Variants in B4GALT4 observed in about 807,000 individuals in gnomAD.
B4GALT4 encodes beta-1,4-galactosyltransferase 4.
A neutral mutation model predicts 37.3 loss-of-function variants in B4GALT4; 27 were observed. The observed-to-expected ratio is 0.72, with a 90% CI of 0.53 to 1.00. The LOEUF is 1.00. Among genes scored for constraint, B4GALT4 ranks in the 50% least tolerant of loss-of-function variants. The probability of loss-of-function intolerance (pLI) is 0.00; values close to 1 mark genes in which losing one functional copy is unlikely to be tolerated. For synonymous variants in B4GALT4, 148 were observed against 154.1 expected (o/e 0.96, Z 0.29); for missense variants, 372 against 413.1 (o/e 0.90, Z 0.86).
intron 2 of B4GALT4, chr3:119,230,500 C>T (rs75233365): frequency 0.047 from 10,402 of 223,426 alleles, 286 homozygotes; most frequent in Middle Eastern, 0.075. Flanking sequence ...AAATGTTGGA[C>T]AGAACAAATA....
rs2078287854 is a variant in B4GALT4 at position 119,216,289 on chromosome 3, T to C, written c.853A>G (p.Thr285Ala). ...TTGTCTCTAGTGTGGAAGACCATTG[T>C]ATATTTACCCACTTCAGGCAGGGGC... is the stretch of plus-strand genomic sequence containing the variant. ...SRPLPEVGKY[T>A]MVFHTRDKGN... The change falls in exon 7 of 8, where the codon ACA becomes GCA. Residue 285 changes from threonine (T) to alanine (A), a missense_variant. Transcript: ENST00000393765. 5.0e-6 allele frequency: 8 copies of C among 1,613,828 alleles called. No homozygotes were observed. The highest frequency in any genetic ancestry group is 6.8e-6 in the Non-Finnish European group (8 of 1,179,934).
chr3:119,229,761 G>A, intron 3 of B4GALT4, 86 bp downstream of exon 3: 1 of 1,370,048 alleles, frequency 7.3e-7, no homozygotes, highest in Non-Finnish European at 1.0e-6. Flanking sequence ...TGGGGTACAT[G>A]AGATGTTTTG....
At position 119,212,467 on chromosome 3, in the gene B4GALT4, T is replaced by C. The variant is rs913487791; in HGVS notation, c.*82A>G. ...AATGAGCTGTAACAGGTTCTTAATG[T>C]GTGCTACTATTTGAAGTCTCTAGGC... On this transcript the variant is annotated 3_prime_UTR_variant, in exon 8 of 8. Coordinates refer to ENST00000393765, the MANE Select transcript of B4GALT4 (RefSeq NM_003778.4). The C allele has an allele frequency of 3.5e-5, 48 of 1,376,916 alleles. No individual in the cohort carries two copies. In the African/African-American group the frequency reaches 5.9e-4, roughly 17 times the overall value. The allele number at this position is 1,376,916 out of a possible 1,614,324, so 85.3% of individuals were successfully genotyped here.
intron 6 of B4GALT4, among the ~76,000 whole-genome samples, chr3:119,218,002 A>G (rs567058149): frequency 2.0e-5 from 3 of 152,162 alleles, no homozygotes; most frequent in South Asian, 4.1e-4. Flanking sequence ...AGGGATAACT[A>G]TAACTATCTG....
chr3:119,239,756 C>T (rs1342262015), intron 1 of B4GALT4, among the ~76,000 whole-genome samples: 1 of 152,172 alleles, frequency 6.6e-6, no homozygotes, highest in Non-Finnish European at 1.5e-5. Context: ...ATGGGGTTTA[C>T]AATTTCCATA....
chr3:119,235,838 T>C (rs192851321), intron 2 of B4GALT4, among the ~76,000 whole-genome samples: 272 of 152,328 alleles, frequency 1.8e-3, no homozygotes, highest in Non-Finnish European at 3.6e-3. Context: ...GATGGCACTG[T>C]ATTTTAACCC....
Position 119,230,000 on chromosome 3 carries a change from A to G in B4GALT4, c.100T>C (p.Phe34Leu), listed in dbSNP as rs2078757490. Reference protein sequence around the residue: ...TVVGWATSNYFVGAIQEIPKA... With the variant: ...TVVGWATSNYLVGAIQEIPKA... Reference sequence around the variant, plus strand: ...GGAATCTCTTGAATGGCACCCACGAAGTAGTTACTGGTGGCCCACCCAACC... The same window carrying G: ...GGAATCTCTTGAATGGCACCCACGAGGTAGTTACTGGTGGCCCACCCAACC... Residue 34 changes from phenylalanine to leucine, a missense_variant, in exon 3 of 8, where the codon TTC (phenylalanine) becomes CTC (leucine). Coordinates refer to ENST00000393765, the MANE Select transcript of B4GALT4 (RefSeq NM_003778.4). 1.1e-5 allele frequency: 17 copies of G among 1,614,188 alleles called. No individual in the cohort carries two copies. Among genetic ancestry groups the G allele is most frequent in the Non-Finnish European group, 1.4e-5 (17 of 1,180,040 alleles).
At chr3:119,225,947 A>G (rs940454145) in intron 4 of B4GALT4, among the ~76,000 whole-genome samples, 2 of 152,226 alleles carry the variant, frequency 1.3e-5, no homozygotes, top group African/African-American at 2.4e-5. Flanking sequence ...CCAAGTCTAT[A>G]CTGCAGAGCT....
chr3:119,218,518 G>A (rs1280861907), intron 6 of B4GALT4, 132 bp downstream of exon 6: 19 of 1,298,308 alleles, frequency 1.5e-5, no homozygotes, highest in Non-Finnish European at 1.8e-5. Flanking sequence ...TCCACCCCCT[G>A]CACCCTTCAA....
chr3:119,232,839 C>T (rs1298761077), intron 2 of B4GALT4, among the ~76,000 whole-genome samples: 1 of 152,110 alleles, frequency 6.6e-6, no homozygotes, highest in Non-Finnish European at 1.5e-5. Context: ...GACAGGGTCT[C>T]ACTCTATTGC....
At chr3:119,240,468 A>C (rs28668839) in intron 1 of B4GALT4, 28,274 of 152,278 alleles carry the variant, frequency 0.19, 2,815 homozygotes, top group Admixed American at 0.26. Context: ...TCCAGGAAGA[A>C]GGGGCTTTTT....
At position 119,218,045 on chromosome 3, in the gene B4GALT4, TG is replaced by T. The variant is rs750716393; in HGVS notation, c.797+604del. 2.1e-4 allele frequency among the ~76,000 whole-genome samples: 32 copies of T among 152,242 alleles called. No individual in the cohort carries two copies. In the East Asian group the frequency reaches 2.5e-3, roughly 12 times the overall value. On this transcript the variant is annotated intron_variant, in intron 6 of 7. Transcript: ENST00000393765. Reference sequence around the variant, plus strand: ...AATCCAAGTTGAGGGGAAGAAGCTGTGGGTGGAGGCCAGACTTATTCCCTTT... The same window carrying T: ...AATCCAAGTTGAGGGGAAGAAGCTGTGGTGGAGGCCAGACTTATTCCCTTT...
At position 119,212,464 on chromosome 3, in the gene B4GALT4, A is replaced by AGGG. The variant is rs2078184228; in HGVS notation, c.*84_*85insCCC. On this transcript the variant is annotated 3_prime_UTR_variant, in exon 8 of 8. Coordinates refer to ENST00000393765, the MANE Select transcript of B4GALT4 (RefSeq NM_003778.4). ...AACAATGAGCTGTAACAGGTTCTTA[A>AGGG]TGTGTGCTACTATTTGAAGTCTCTA... is the stretch of plus-strand genomic sequence containing the variant. 7.4e-7 allele frequency: 1 copy of AGGG among 1,359,782 alleles called. No homozygotes were observed. The highest frequency in any genetic ancestry group is 1.5e-5 in the African/African-American group (1 of 68,412). The allele number at this position is 1,359,782 out of a possible 1,614,324, so 84.2% of individuals were successfully genotyped here.
At chr3:119,221,594 G>A (rs949413892) in intron 5 of B4GALT4, among the ~76,000 whole-genome samples, 13 of 152,116 alleles carry the variant, frequency 8.5e-5, no homozygotes, top group African/African-American at 2.4e-4. Context: ...CCTCTCTCCA[G>A]CCACAAAAGA....
chr3:119,226,617 AC>A, intron 4 of B4GALT4, 191 bp downstream of exon 4: 10 of 600,966 alleles, frequency 1.7e-5, no homozygotes, highest in Non-Finnish European at 1.7e-5. Context: ...ATTTCCCAGA[AC>A]TTGAACCCAT....
At chr3:119,229,309 T>G (rs955647617) in intron 3 of B4GALT4, among the ~76,000 whole-genome samples, 1 of 152,184 alleles carries the variant, frequency 6.6e-6, no homozygotes, top group Admixed American at 6.5e-5. Flanking sequence ...TGGACGCTAC[T>G]AATGTGTGCT....
chr3:119,229,807 T>A, intron 3 of B4GALT4, 40 bp downstream of exon 3: 1 of 1,596,378 alleles, frequency 6.3e-7, no homozygotes, highest in Non-Finnish European at 8.5e-7. Context: ...AAATAAAAAG[T>A]TTGCATACTA....
intron 7 of B4GALT4, chr3:119,214,565 G>A (rs973500460): frequency 2.0e-5 from 3 of 152,150 alleles, no homozygotes; most frequent in African/African-American, 4.8e-5. Context: ...CCAAAGATGA[G>A]ACAATATGAG....
intron 4 of B4GALT4, among the ~76,000 whole-genome samples, chr3:119,225,163 CCTTATGGAGGTA>C (rs2078569395): frequency 6.6e-6 from 1 of 152,102 alleles, no homozygotes; most frequent in Non-Finnish European, 1.5e-5. Context: ...CTCACAGTGG[CCTTATGGAGGTA>C]GATTCGTCAC....
Sources: gnomAD v4.1 joint callset for allele counts (sites outside exome capture counted in the v4.1 genomes callset) on GRCh38, gnomAD v4.1.1 for gene constraint, MANE v1.5 for transcripts, NCBI Gene and HGNC (gene_info 2026-07-23, HGNC 2026-07-21) for gene names.